LAPTM4B: variants seen among roughly 807,000 people sequenced by gnomAD.
LAPTM4B encodes the protein lysosomal protein transmembrane 4 beta.
A neutral mutation model predicts 28.5 loss-of-function variants in LAPTM4B; 26 were observed. The observed-to-expected ratio is 0.91, with a 90% CI of 0.67 to 1.27. The LOEUF (loss-of-function observed/expected upper bound fraction) is 1.27, where lower values mean the gene tolerates loss of function less well. Among genes scored for constraint, LAPTM4B ranks in the 50% most tolerant of loss-of-function variants. The probability of loss-of-function intolerance (pLI) is 0.00; values close to 1 mark genes in which losing one functional copy is unlikely to be tolerated. For missense variants in LAPTM4B, 288 were observed against 285.8 expected (o/e 1.01, Z -0.06); for synonymous variants, 109 against 106.4 (o/e 1.02, Z -0.15).
intron 1 of LAPTM4B, among the ~76,000 whole-genome samples, chr8:97,797,434 G>C (rs1242688792): frequency 1.3e-5 from 2 of 152,094 alleles, no homozygotes; most frequent in Non-Finnish European, 2.9e-5. Context: ...CGCCCGGCTG[G>C]AATTACAACT....
chr8:97,845,547 G>A (rs1431452136), intron 6 of LAPTM4B, among the ~76,000 whole-genome samples: 1 of 152,090 alleles, frequency 6.6e-6, no homozygotes, highest in African/African-American at 2.4e-5. Flanking sequence ...TCTGGGCATT[G>A]ATTTCCTTAT....
intron 1 of LAPTM4B, 41 bp downstream of exon 1, chr8:97,776,149 C>T (rs1816209803): frequency 2.0e-6 from 3 of 1,503,212 alleles, no homozygotes; most frequent in Non-Finnish European, 2.7e-6. Flanking sequence ...GCGTTGCTTC[C>T]GCGCCCCTAG....
intron 1 of LAPTM4B, among the ~76,000 whole-genome samples, chr8:97,797,223 T>A (rs751069309): frequency 3.3e-5 from 5 of 151,902 alleles, no homozygotes; most frequent in Non-Finnish European, 5.9e-5. Context: ...AAACCTCTGC[T>A]TCCCAGGTTG....
chr8:97,789,110 G>C (rs901671278), intron 1 of LAPTM4B, among the ~76,000 whole-genome samples: 1 of 151,312 alleles, frequency 6.6e-6, no homozygotes, highest in African/African-American at 2.4e-5. Context: ...TTTTGCTCTT[G>C]TTGCCCAGGC....
At chr8:97,799,137 A>C (rs1005240834) in intron 1 of LAPTM4B, among the ~76,000 whole-genome samples, 3 of 152,188 alleles carry the variant, frequency 2.0e-5, no homozygotes, top group Non-Finnish European at 4.4e-5. Flanking sequence ...CCTAAGATAA[A>C]GTCACTAAAC....
chr8:97,845,491 TCTC>T (rs1178919818), intron 6 of LAPTM4B, among the ~76,000 whole-genome samples: 2 of 152,150 alleles, frequency 1.3e-5, no homozygotes, highest in Non-Finnish European at 2.9e-5. Context: ...TCCTGAGACT[TCTC>T]CTCACCCCGT....
chr8:97,825,002 T>C, intron 5 of LAPTM4B, 56 bp from the exon 6 acceptor site: 1 of 957,784 alleles, frequency 1.0e-6, no homozygotes, highest in Non-Finnish European at 1.7e-6. Flanking sequence ...TGTGTGGTAT[T>C]CTAAATTACC....
At chr8:97,787,855 C>G (rs1816430040) in intron 1 of LAPTM4B, among the ~76,000 whole-genome samples, 1 of 151,924 alleles carries the variant, frequency 6.6e-6, no homozygotes, top group Non-Finnish European at 1.5e-5. Context: ...TTTTTTTAGA[C>G]AGAGTCTCAC....
chr8:97,787,679 G>A lies in LAPTM4B; in HGVS notation c.99+11571G>A, dbSNP rs546063592. Among the ~76,000 whole-genome samples, 203 of 152,170 alleles carry A rather than the reference G, an allele frequency of 1.3e-3. 4 individuals are homozygous for A. The highest frequency in any genetic ancestry group is 0.013 in the Admixed American group (193 of 15,266). On this transcript the variant is annotated intron_variant, in intron 1 of 6. Transcript: ENST00000521545. ...GAATACAAGTCCTTTAACTCCAGTC[G>A]TTTCTCTCTTGTATTTTAGTGTCCT... is the stretch of plus-strand genomic sequence containing the variant.
At position 97,787,843 on chromosome 8, in the gene LAPTM4B, TA is replaced by T. The variant is rs1171934832; in HGVS notation, c.99+11736del. On this transcript the variant is annotated intron_variant, in intron 1 of 6. Transcript: ENST00000521545. ...CTTACTTAAAAATGATTTATTTATT[TA>T]TTTTTTTAGACAGAGTCTCACTTTG... Among the ~76,000 whole-genome samples, 362 of 152,254 alleles carry T rather than the reference TA, an allele frequency of 2.4e-3. 2 individuals are homozygous for T. Among genetic ancestry groups the T allele is most frequent in the African/African-American group, 8.2e-3 (340 of 41,550 alleles).
intron 2 of LAPTM4B, among the ~76,000 whole-genome samples, chr8:97,814,886 G>A (rs569968733): frequency 6.6e-6 from 1 of 152,200 alleles, no homozygotes; most frequent in African/African-American, 2.4e-5. Context: ...GTACACATGG[G>A]GTTTCACTGT....
intron 1 of LAPTM4B, among the ~76,000 whole-genome samples, chr8:97,790,801 A>G (rs956532178): frequency 4.6e-5 from 7 of 152,026 alleles, no homozygotes; most frequent in Non-Finnish European, 1.0e-4. Context: ...GTGCAGTGGC[A>G]CAGTCTTGGC....
chr8:97,832,826 C>A (rs1817203997), intron 6 of LAPTM4B, among the ~76,000 whole-genome samples: 1 of 150,008 alleles, frequency 6.7e-6, no homozygotes, highest in Non-Finnish European at 1.5e-5. Flanking sequence ...CCTGCCGCAG[C>A]CTTCTGAGTA....
At position 97,851,637 on chromosome 8, in the gene LAPTM4B, T is replaced by G. The variant is rs1205955781; in HGVS notation, c.*163T>G. 5 of 629,994 alleles carry G rather than the reference T, an allele frequency of 7.9e-6. No individual in the cohort carries two copies. The highest frequency in any genetic ancestry group is 1.4e-5 in the Non-Finnish European group (5 of 353,398). The allele number at this position is 629,994 out of a possible 1,614,324, so 39.0% of individuals were successfully genotyped here. ...AGATTGAAAACTGTAGTTTTCAACA[T>G]ATGCTTTGCTGGAACACTGTGATAG... On this transcript the variant is annotated 3_prime_UTR_variant, in exon 7 of 7. Transcript: ENST00000521545.
At position 97,819,109 on chromosome 8, in the gene LAPTM4B, G is replaced by A. The variant is rs761848119; in HGVS notation, c.409-31G>A. On this transcript the variant is annotated intron_variant, in intron 4 of 6. Transcript: ENST00000521545. Reference sequence around the variant, plus strand: ...GAATACTGTCTGGAATGATTAATGAGATTTGCTAATGAGGCCCTTTTCTTT... The same window carrying A: ...GAATACTGTCTGGAATGATTAATGAAATTTGCTAATGAGGCCCTTTTCTTT... 5 of 1,300,314 alleles carry A rather than the reference G, an allele frequency of 3.8e-6. No homozygotes were observed. The East Asian group carries it at 6.9e-5, about 18-fold the overall frequency. 80.5% of individuals were successfully genotyped at this position (1,300,314 alleles called of 1,614,324 possible).
intron 6 of LAPTM4B, among the ~76,000 whole-genome samples, chr8:97,839,562 T>C (rs1278345466): frequency 6.6e-6 from 1 of 152,158 alleles, no homozygotes; most frequent in Non-Finnish European, 1.5e-5. Flanking sequence ...TTTCCAGTTG[T>C]TTCATCCCAG....
chr8:97,806,634 G>A (rs10955134), intron 2 of LAPTM4B, among the ~76,000 whole-genome samples: 67,221 of 151,708 alleles, frequency 0.44, 15,312 homozygotes, highest in East Asian at 0.57. Flanking sequence ...TATTGTGGGA[G>A]GGACCCAGGG....
In LAPTM4B at chr8:97,824,155, A is replaced by G. The variant is rs143531540; in HGVS notation, c.508-903A>G. On this transcript the variant is annotated intron_variant, in intron 5 of 6. Coordinates refer to ENST00000521545, the MANE Select transcript of LAPTM4B (RefSeq NM_018407.6). Reference sequence around the variant, plus strand: ...AACATTCAAGTTTTTGTGTGGATGTATATTTTCATTTTATTCGGTATATAT... The same window carrying G: ...AACATTCAAGTTTTTGTGTGGATGTGTATTTTCATTTTATTCGGTATATAT... Among the ~76,000 whole-genome samples, 1,307 of 152,170 alleles carry G rather than the reference A, an allele frequency of 8.6e-3. 22 individuals carry two copies. Among genetic ancestry groups the G allele is most frequent in the African/African-American group, 0.03 (1,226 of 41,490 alleles).
intron 2 of LAPTM4B, among the ~76,000 whole-genome samples, chr8:97,813,472 A>G (rs1364898737): frequency 6.6e-6 from 1 of 151,900 alleles, no homozygotes; most frequent in Non-Finnish European, 1.5e-5. Context: ...CTCCCAGTCC[A>G]CTGACTGAAA....
Sources: allele counts gnomAD v4.1 joint callset (sites outside exome capture counted in the v4.1 genomes callset), GRCh38; gene constraint gnomAD v4.1.1; transcripts MANE v1.5; gene names NCBI Gene and HGNC (gene_info 2026-07-23, HGNC 2026-07-21).